GLG1: variants seen among roughly 807,000 people sequenced by gnomAD.
GLG1 encodes golgi glycoprotein 1.
GLG1 carries 38 observed loss-of-function variants against 160.5 expected under a neutral mutation model. The ratio of observed to expected loss-of-function variants is 0.24; its 90% CI spans 0.18 to 0.31. GLG1 has a LOEUF of 0.31. Among genes scored for constraint, GLG1 ranks in the 10% least tolerant of loss-of-function variants. GLG1 has a pLI of 1.00. For synonymous variants in GLG1, 644 were observed against 543.4 expected (o/e 1.19, Z -2.57); for missense variants, 1,373 against 1,505.2 (o/e 0.91, Z 1.45).
Position 74,452,666 on chromosome 16 carries a change from C to T in GLG1, c.*501G>A. On this transcript the variant is annotated 3_prime_UTR_variant, in exon 26 of 26. Coordinates refer to ENST00000422840, the MANE Select transcript of GLG1 (RefSeq NM_001145667.2). ...TGCTTCTGAGAGATGAACGAGACACCTCAGTCATGGCACACTGGGTGGTGT... is the reference window on the plus strand; with the variant it reads ...TGCTTCTGAGAGATGAACGAGACACTTCAGTCATGGCACACTGGGTGGTGT... 1.0e-6 allele frequency: 1 copy of T among 996,024 alleles called. No individual in the cohort carries two copies. Among genetic ancestry groups the T allele is most frequent in the Non-Finnish European group, 1.2e-6 (1 of 835,878 alleles). 61.7% of individuals were successfully genotyped at this position (996,024 alleles called of 1,614,324 possible). A position where few individuals can be genotyped will look rare whatever the true frequency, so the allele number is the denominator to read the frequency against.
intron 1 of GLG1, among the ~76,000 whole-genome samples, chr16:74,598,198 G>A (rs1958351363): frequency 6.6e-6 from 1 of 152,142 alleles, no homozygotes; most frequent in Non-Finnish European, 1.5e-5. Context: ...GCAGTGTCTT[G>A]CACACAGGTT....
intron 1 of GLG1, among the ~76,000 whole-genome samples, chr16:74,582,149 T>C (rs1045819730): frequency 6.6e-6 from 1 of 152,148 alleles, no homozygotes; most frequent in Non-Finnish European, 1.5e-5. Context: ...AATAAAAAAA[T>C]AGATCTCCAT....
chr16:74,578,693 T>TA (rs1349682231), intron 1 of GLG1, among the ~76,000 whole-genome samples: 3 of 152,150 alleles, frequency 2.0e-5, no homozygotes, highest in African/African-American at 2.4e-5. Context: ...CAGGCCTCCT[T>TA]AGAGTATAGG....
chr16:74,601,423 T>TA lies in GLG1; in HGVS notation c.438+5233dup, dbSNP rs76858663. Among the ~76,000 whole-genome samples the TA allele has an allele frequency of 4.2e-3, 595 of 140,980 alleles. 2 individuals are homozygous for TA. Among genetic ancestry groups the TA allele is most frequent in the Middle Eastern group, 0.018 (5 of 280 alleles). The allele number at this position is 140,980 out of a possible 152,430, so 92.5% of individuals were successfully genotyped here. A position where few individuals can be genotyped will look rare whatever the true frequency, so the allele number is the denominator to read the frequency against. On this transcript the variant is annotated intron_variant, in intron 1 of 25. Transcript: ENST00000422840. ...GGCAAGACCTTGTCTCTCTTAAAAT[T>TA]AAAAAAAAAAAAAAGTATACCCCAA...
At chr16:74,539,960 G>A (rs2017787553) in intron 1 of GLG1, among the ~76,000 whole-genome samples, 1 of 80,170 alleles carries the variant, frequency 1.2e-5, no homozygotes, top group Non-Finnish European at 2.4e-5. Context: ...GTTGACCTGT[G>A]AGTGAAAAAA....
chr16:74,512,682 GAA>G (rs1200362358), intron 2 of GLG1, among the ~76,000 whole-genome samples: 4 of 131,336 alleles, frequency 3.0e-5, no homozygotes, highest in Non-Finnish European at 5.0e-5. Flanking sequence ...GTGAAGGAAG[GAA>G]AAAAAAAAAA....
intron 1 of GLG1, among the ~76,000 whole-genome samples, chr16:74,538,567 G>A (rs888329998): frequency 6.6e-6 from 1 of 152,268 alleles, no homozygotes; most frequent in South Asian, 2.1e-4. Context: ...GATAGTGGCT[G>A]AGTATTGTTT....
At chr16:74,574,586 A>G (rs1164183281) in intron 1 of GLG1, among the ~76,000 whole-genome samples, 1 of 152,070 alleles carries the variant, frequency 6.6e-6, no homozygotes, top group Non-Finnish European at 1.5e-5. Context: ...TCAAAATAAA[A>G]AAGAGGTAGA....
intron 1 of GLG1, among the ~76,000 whole-genome samples, chr16:74,590,576 A>G (rs8061338): frequency 0.71 from 102,467 of 144,714 alleles, 36,981 homozygotes; most frequent in African/African-American, 0.83. Context: ...AGCCGAGATT[A>G]CACCACTGCA....
intron 10 of GLG1, among the ~76,000 whole-genome samples, chr16:74,481,335 G>C (rs1027991227): frequency 5.9e-5 from 9 of 152,174 alleles, no homozygotes; most frequent in African/African-American, 2.2e-4. Flanking sequence ...CTCCACATCA[G>C]ACCAGGGCAT....
chr16:74,526,700 C>T (rs1275810456), intron 2 of GLG1, among the ~76,000 whole-genome samples: 2 of 152,088 alleles, frequency 1.3e-5, no homozygotes, highest in East Asian at 1.9e-4. Context: ...CTCCAGCCTG[C>T]GTGACAGACC....
chr16:74,463,732 T>TATG (rs1555507088), intron 19 of GLG1, among the ~76,000 whole-genome samples: 16 of 151,244 alleles, frequency 1.1e-4, no homozygotes, highest in Admixed American at 3.3e-4. Context: ...TTGTGTTTTT[T>TATG]TTGTTGTTGT....
intron 1 of GLG1, among the ~76,000 whole-genome samples, chr16:74,556,993 G>T (rs1327795896): frequency 6.6e-6 from 1 of 152,018 alleles, no homozygotes; most frequent in African/African-American, 2.4e-5. Flanking sequence ...GAACAGTGAA[G>T]TACTTTATAA....
At chr16:74,603,885 G>A (rs1958502286) in intron 1 of GLG1, among the ~76,000 whole-genome samples, 1 of 151,500 alleles carries the variant, frequency 6.6e-6, no homozygotes, top group Admixed American at 6.6e-5. Flanking sequence ...CACACAACTA[G>A]GACTACTAAC....
rs926624831 is a variant in GLG1, at chr16:74,502,871, G to A, written c.774+660C>T. ...AGGCATGAGCCACCGCGCCCGGCCA[G>A]TAATTTTTTTTATACTAACAGTGGG... On this transcript the variant is annotated intron_variant, in intron 4 of 25. Transcript: ENST00000422840. 2.1e-4 allele frequency among the ~76,000 whole-genome samples: 32 copies of A among 149,354 alleles called. 1 individual carries two copies. The highest frequency in any genetic ancestry group is 6.4e-4 in the African/African-American group (26 of 40,920).
At chr16:74,546,085 T>C (rs1047261285) in intron 1 of GLG1, among the ~76,000 whole-genome samples, 3 of 152,202 alleles carry the variant, frequency 2.0e-5, no homozygotes, top group African/African-American at 2.4e-5. Flanking sequence ...GATCTTACCA[T>C]AGTATCTTTG....
intron 12 of GLG1, among the ~76,000 whole-genome samples, chr16:74,476,716 C>A (rs953435383): frequency 2.0e-5 from 3 of 152,180 alleles, no homozygotes; most frequent in Non-Finnish European, 1.5e-5. Context: ...TCACAGCACT[C>A]AGGGAATTTT....
At chr16:74,578,469 A>AT (rs1170636427) in intron 1 of GLG1, among the ~76,000 whole-genome samples, 3 of 152,200 alleles carry the variant, frequency 2.0e-5, no homozygotes, top group African/African-American at 4.8e-5. Flanking sequence ...ATAATGTCTA[A>AT]TTTTTTTAAA....
At chr16:74,544,704 T>C (rs1268426775) in intron 1 of GLG1, among the ~76,000 whole-genome samples, 1 of 152,158 alleles carries the variant, frequency 6.6e-6, no homozygotes, top group Non-Finnish European at 1.5e-5. Context: ...GTTTGGCCAT[T>C]TGGGCCAGGA....
Sources: allele counts gnomAD v4.1 joint callset (sites outside exome capture counted in the v4.1 genomes callset), GRCh38; gene constraint gnomAD v4.1.1; transcripts MANE v1.5; gene names NCBI Gene and HGNC (gene_info 2026-07-23, HGNC 2026-07-21).